Variants in FOXN3 observed in about 807,000 individuals in gnomAD.
FOXN3 encodes forkhead box protein N3.
In FOXN3, 7 loss-of-function variants were observed where a neutral mutation model predicts 38.4. The observed-to-expected ratio is 0.18, with a 90% CI of 0.10 to 0.34. The LOEUF (loss-of-function observed/expected upper bound fraction) is 0.34. Among genes scored for constraint, FOXN3 ranks in the 10% least tolerant of loss-of-function variants. The pLI is 1.00. For synonymous variants in FOXN3, 230 were observed against 242.2 expected, an observed-to-expected ratio of 0.95 and a Z score of 0.47; for missense variants, 456 against 613.4, an observed-to-expected ratio of 0.74 and a Z score of 2.71.
At chr14:89,344,987 A>T (rs1888721535) in intron 3 of FOXN3, among the ~76,000 whole-genome samples, 1 of 152,136 alleles carries the variant, frequency 6.6e-6, no homozygotes, top group African/African-American at 2.4e-5. Flanking sequence ...TCCACTTTCC[A>T]GATCTAGATT....
chr14:89,469,093 A>G (rs1039113914), intron 1 of FOXN3, among the ~76,000 whole-genome samples: 1 of 152,218 alleles, frequency 6.6e-6, no homozygotes, highest in Admixed American at 6.5e-5. Flanking sequence ...AACCTCTTTT[A>G]TTATGAGTGA....
In FOXN3 at chr14:89,408,114, C is replaced by T. The variant is rs575819004; in HGVS notation, c.543+3820G>A. On this transcript the variant is annotated intron_variant, in intron 2 of 5. Transcript: ENST00000557258. The stretch of plus-strand genomic sequence containing the variant: ...TGAGAACATGCTCTTGATGAAATCT[C>T]AGCAACTGGAAAGACCTCAAGAGGG... Among the ~76,000 whole-genome samples, 3 of 152,272 alleles carry T rather than the reference C, an allele frequency of 2.0e-5. No homozygotes were observed. In the East Asian group the frequency reaches 5.8e-4, roughly 29 times the overall value.
chr14:89,192,729 G>C (rs1481268151), intron 4 of FOXN3, among the ~76,000 whole-genome samples: 1 of 143,476 alleles, frequency 7.0e-6, no homozygotes, highest in Non-Finnish European at 1.5e-5. Context: ...TTATATAATA[G>C]TTAATATATG....
chr14:89,407,885 T>C (rs1891436313), intron 2 of FOXN3, among the ~76,000 whole-genome samples: 2 of 151,998 alleles, frequency 1.3e-5, no homozygotes, highest in South Asian at 2.1e-4. Flanking sequence ...AAAGAATAAA[T>C]AAAATAAGTG....
intron 1 of FOXN3, among the ~76,000 whole-genome samples, chr14:89,462,431 T>TAA (rs1362145311): frequency 6.6e-6 from 1 of 152,228 alleles, no homozygotes; most frequent in East Asian, 1.9e-4. Flanking sequence ...AGGAAACACT[T>TAA]AGAGTGTAGG....
At chr14:89,513,926 A>G (rs35761035) in intron 1 of FOXN3, among the ~76,000 whole-genome samples, 62,508 of 148,438 alleles carry the variant, frequency 0.42, 14,138 homozygotes, top group Non-Finnish European at 0.52. Flanking sequence ...ACACACACAC[A>G]CACGCACGCA....
intron 1 of FOXN3, among the ~76,000 whole-genome samples, chr14:89,614,450 G>A (rs891063511): frequency 6.6e-6 from 1 of 152,116 alleles, no homozygotes; most frequent in Admixed American, 6.5e-5. Context: ...ATCTTTTTCT[G>A]TATGTACGTA....
At chr14:89,374,871 G>T (rs374904568) in intron 2 of FOXN3, among the ~76,000 whole-genome samples, 1 of 152,080 alleles carries the variant, frequency 6.6e-6, no homozygotes, top group East Asian at 1.9e-4. Flanking sequence ...CAGCTACTCA[G>T]GAGGCTGAGG....
intron 1 of FOXN3, among the ~76,000 whole-genome samples, chr14:89,521,619 A>G (rs1184397682): frequency 6.6e-6 from 1 of 152,204 alleles, no homozygotes; most frequent in Non-Finnish European, 1.5e-5. Context: ...ATGGCCACAA[A>G]CTTTCCAAAT....
At chr14:89,291,459 C>G (rs557259548) in intron 3 of FOXN3, 1 of 608,104 alleles carries the variant, frequency 1.6e-6, no homozygotes, top group African/African-American at 1.9e-5. Flanking sequence ...AAGGCTTCCA[C>G]GGAGGGTGCC....
chr14:89,210,195 T>A (rs1888485666), intron 4 of FOXN3, among the ~76,000 whole-genome samples: 3 of 152,090 alleles, frequency 2.0e-5, no homozygotes, highest in Admixed American at 6.5e-5. Context: ...ATCATGGAGG[T>A]GGATCTTCCA....
At chr14:89,328,491 C>T (rs1272884930) in intron 3 of FOXN3, among the ~76,000 whole-genome samples, 1 of 151,926 alleles carries the variant, frequency 6.6e-6, no homozygotes, top group African/African-American at 2.4e-5. Flanking sequence ...ACATTCCCAA[C>T]AGCAGCCCTG....
At chr14:89,346,557 A>G (rs1888764102) in intron 3 of FOXN3, among the ~76,000 whole-genome samples, 1 of 152,210 alleles carries the variant, frequency 6.6e-6, no homozygotes, top group Non-Finnish European at 1.5e-5. Context: ...AAGACCACAA[A>G]GCTGAAGTGC....
At chr14:89,428,629 C>T (rs535827926) in intron 1 of FOXN3, among the ~76,000 whole-genome samples, 1 of 152,374 alleles carries the variant, frequency 6.6e-6, no homozygotes, top group Admixed American at 6.5e-5. Context: ...CATGTTTCCT[C>T]TATGCCTCAC....
chr14:89,434,637 A>G (rs1892236045), intron 1 of FOXN3, among the ~76,000 whole-genome samples: 1 of 152,182 alleles, frequency 6.6e-6, no homozygotes, highest in Non-Finnish European at 1.5e-5. Flanking sequence ...ACCCTTGGGA[A>G]GAACAAGCAG....
At chr14:89,403,846 T>A (rs989213346) in intron 2 of FOXN3, among the ~76,000 whole-genome samples, 3 of 152,080 alleles carry the variant, frequency 2.0e-5, no homozygotes, top group Non-Finnish European at 4.4e-5. Context: ...CCTGGCCAAG[T>A]CACTGTGAGG....
At chr14:89,488,131 A>G (rs1210114682) in intron 1 of FOXN3, among the ~76,000 whole-genome samples, 1 of 149,904 alleles carries the variant, frequency 6.7e-6, no homozygotes, top group Non-Finnish European at 1.5e-5. Context: ...TGCCCAGACT[A>G]GAGTGCAGTG....
At chr14:89,613,699 C>T (rs1896439599) in intron 1 of FOXN3, among the ~76,000 whole-genome samples, 1 of 152,150 alleles carries the variant, frequency 6.6e-6, no homozygotes, top group African/African-American at 2.4e-5. Flanking sequence ...TCATCTCTAA[C>T]CCCATGCAGG....
intron 4 of FOXN3, among the ~76,000 whole-genome samples, chr14:89,262,012 G>A (rs1245553811): frequency 6.6e-6 from 1 of 152,152 alleles, no homozygotes; most frequent in African/African-American, 2.4e-5. Context: ...GCTGAGGCAA[G>A]AGAATTACTC....
Sources: gnomAD v4.1 joint callset for allele counts (sites outside exome capture counted in the v4.1 genomes callset) on GRCh38, gnomAD v4.1.1 for gene constraint, MANE v1.5 for transcripts, NCBI Gene and HGNC (gene_info 2026-07-23, HGNC 2026-07-21) for gene names.